The following SFT2D2 variants were observed in gnomAD, a reference collection of about 807,000 sequenced individuals.
SFT2D2 encodes vesicle transport protein SFT2B.
SFT2D2 carries 21 observed loss-of-function variants against 27.4 expected under a neutral mutation model. That is an observed-to-expected ratio of 0.77 (90% CI 0.54 to 1.10). SFT2D2 has a LOEUF of 1.10. Ranked by LOEUF, SFT2D2 falls within the 50% of genes least tolerant of loss-of-function variation. The probability of loss-of-function intolerance (pLI) is 0.00; values close to 1 mark genes in which losing one functional copy is unlikely to be tolerated. For missense variants in SFT2D2, 187 were observed against 194.2 expected, an observed-to-expected ratio of 0.96 and a Z score of 0.22; for synonymous variants, 72 against 71.7, an observed-to-expected ratio of 1.00 and a Z score of -0.02.
Position 168,249,794 on chromosome 1 carries a change from G to A in SFT2D2, c.*7254G>A, listed in dbSNP as rs142091569. The A allele has an allele frequency of 6.6e-6, 1 of 152,400 alleles. No individual in the cohort carries two copies. The highest frequency in any genetic ancestry group is 1.9e-4 in the East Asian group (1 of 5,186). The allele number at this position is 152,400 out of a possible 1,614,324, so 9.4% of individuals were successfully genotyped here. ...GGTCATTGCAAGATGTCAGTGAGAC[G>A]TGTCAAGTGCTTAGAATAGGGCTTG... On this transcript the variant is annotated 3_prime_UTR_variant, in exon 8 of 8. Coordinates refer to ENST00000271375, the MANE Select transcript of SFT2D2 (RefSeq NM_199344.3).
Position 168,246,366 on chromosome 1 carries a change from T to C in SFT2D2, c.*3826T>C. 3 of 546,898 alleles carry C rather than the reference T, an allele frequency of 5.5e-6. No homozygotes were observed. Among genetic ancestry groups the C allele is most frequent in the Non-Finnish European group, 9.2e-6 (3 of 326,056 alleles). The allele number at this position is 546,898 out of a possible 1,614,324, so 33.9% of individuals were successfully genotyped here. ...TCGTAGTTGACATAATCTTACTTGC[T>C]TTTCTGTGCATTTTTCTACTTTATC... On this transcript the variant is annotated 3_prime_UTR_variant, in exon 8 of 8. Coordinates refer to ENST00000271375, the MANE Select transcript of SFT2D2 (RefSeq NM_199344.3).
In SFT2D2 at chr1:168,250,965, A is replaced by AG. The variant is rs1410619894; in HGVS notation, c.*8427dup. 11 of 152,360 alleles carry AG rather than the reference A, an allele frequency of 7.2e-5. No individual in the cohort carries two copies. Among genetic ancestry groups the AG allele is most frequent in the Non-Finnish European group, 1.6e-4 (11 of 68,086 alleles). The allele number at this position is 152,360 out of a possible 1,614,324, so 9.4% of individuals were successfully genotyped here. A position where few individuals can be genotyped will look rare whatever the true frequency, so the allele number is the denominator to read the frequency against. On this transcript the variant is annotated 3_prime_UTR_variant, in exon 8 of 8. Coordinates refer to ENST00000271375, the MANE Select transcript of SFT2D2 (RefSeq NM_199344.3). Reference sequence around the variant, plus strand: ...ACTTCCCTTCCACCCTAATCACTGCAGGCTCAGGGAGCAAGAAATAAAATC... The same window carrying AG: ...ACTTCCCTTCCACCCTAATCACTGCAGGGCTCAGGGAGCAAGAAATAAAATC...
chr1:168,236,003 T>C (rs1188732741), intron 4 of SFT2D2, among the ~76,000 whole-genome samples: 2 of 152,178 alleles, frequency 1.3e-5, no homozygotes, highest in Admixed American at 6.6e-5. Context: ...TGAGTAGTTA[T>C]TGTTATAGAA....
chr1:168,237,236 G>T (rs1167774075), intron 6 of SFT2D2, among the ~76,000 whole-genome samples: 2 of 152,354 alleles, frequency 1.3e-5, no homozygotes, highest in East Asian at 1.9e-4. Flanking sequence ...TGAACTGTCA[G>T]CAGGAGATGA....
intron 7 of SFT2D2, among the ~76,000 whole-genome samples, chr1:168,239,911 C>T (rs1404769533): frequency 1.3e-5 from 2 of 151,366 alleles, no homozygotes; most frequent in East Asian, 1.9e-4. Flanking sequence ...TGCAGTGGCT[C>T]ACGCCTGTAA....
chr1:168,226,076 C>A lies in SFT2D2; in HGVS notation c.-4C>A, dbSNP rs1041858773. The A allele has an allele frequency of 3.9e-6, 6 of 1,531,266 alleles. No individual in the cohort carries two copies. The highest frequency in any genetic ancestry group is 2.5e-5 in the South Asian group (2 of 81,324). 94.9% of individuals were successfully genotyped at this position (1,531,266 alleles called of 1,614,324 possible). ...GAGCTGGAGCTGGTGGGGACTGGGC[C>A]GCAATGGACAAGCTGAAGAAGGTGC... On this transcript the variant is annotated 5_prime_UTR_variant, in exon 1 of 8. Coordinates refer to ENST00000271375, the MANE Select transcript of SFT2D2 (RefSeq NM_199344.3).
At chr1:168,234,625 A>C (rs185095460) in intron 3 of SFT2D2, among the ~76,000 whole-genome samples, 39 of 152,292 alleles carry the variant, frequency 2.6e-4, no homozygotes, top group African/African-American at 8.9e-4. Flanking sequence ...CATCATTAGA[A>C]TTATTCCCTG....
chr1:168,234,490 A>AT lies in SFT2D2; in HGVS notation c.237-607dup, dbSNP rs141449944. Among the ~76,000 whole-genome samples the AT allele has an allele frequency of 9.1e-3, 1,377 of 152,110 alleles. 17 individuals are homozygous for AT. The highest frequency in any genetic ancestry group is 0.031 in the African/African-American group (1,302 of 41,490). On this transcript the variant is annotated intron_variant, in intron 3 of 7. Transcript: ENST00000271375. Reference sequence around the variant, plus strand: ...TATAGAGTCAAATGGTAGCTGTGTGATTTTCTCGTCTCTAAAATAAGTGTA... The same window carrying AT: ...TATAGAGTCAAATGGTAGCTGTGTGATTTTTCTCGTCTCTAAAATAAGTGTA...
At chr1:168,234,424 C>T (rs1241964848) in intron 3 of SFT2D2, among the ~76,000 whole-genome samples, 1 of 151,306 alleles carries the variant, frequency 6.6e-6, no homozygotes, top group Non-Finnish European at 1.5e-5. Context: ...AAAAACCCAG[C>T]ATGCTGGGTC....
rs368726409 is a variant in SFT2D2 at position 168,247,717 on chromosome 1, A to G, written c.*5177A>G. 3 of 152,318 alleles carry G rather than the reference A, an allele frequency of 2.0e-5. No individual in the cohort carries two copies. In the East Asian group the frequency reaches 5.8e-4, roughly 29 times the overall value. The allele number at this position is 152,318 out of a possible 1,614,324, so 9.4% of individuals were successfully genotyped here. ...TAATGAGATTGCTGGGTTAAATGGT[A>G]TTTCTAGTTCTAGATCCTTGAGGAA... On this transcript the variant is annotated 3_prime_UTR_variant, in exon 8 of 8. Coordinates refer to ENST00000271375, the MANE Select transcript of SFT2D2 (RefSeq NM_199344.3).
rs1425352269 is a variant in SFT2D2 at position 168,236,680 on chromosome 1, A to T, written c.355-32A>T. 2.5e-6 allele frequency: 4 copies of T among 1,613,486 alleles called. No homozygotes were observed. The African/African-American group carries it at 5.4e-5, about 22-fold the overall frequency. On this transcript the variant is annotated intron_variant, in intron 5 of 7. Coordinates refer to ENST00000271375, the MANE Select transcript of SFT2D2 (RefSeq NM_199344.3). ...TTTTGGCTTTTGCCCCTTGTCTCAC[A>T]CTCTCCTATAACCATATTATTATTT...
intron 7 of SFT2D2, 138 bp downstream of exon 7, chr1:168,239,298 ATAAG>A (rs749420508): frequency 1.6e-6 from 1 of 644,432 alleles, no homozygotes; most frequent in East Asian, 2.7e-5. Flanking sequence ...TCATTTATAG[ATAAG>A]TAAGTTAAAG....
chr1:168,251,099 T>A lies in SFT2D2; in HGVS notation c.*8559T>A, dbSNP rs1320949121. 1 of 151,168 alleles carries A rather than the reference T, an allele frequency of 6.6e-6. No homozygotes were observed. Among genetic ancestry groups the A allele is most frequent in the Admixed American group, 6.6e-5 (1 of 15,140 alleles). 9.4% of individuals were successfully genotyped at this position (151,168 alleles called of 1,614,324 possible). On this transcript the variant is annotated 3_prime_UTR_variant, in exon 8 of 8. Coordinates refer to ENST00000271375, the MANE Select transcript of SFT2D2 (RefSeq NM_199344.3). ...TGGGTGGATCGCTTGAGGTCAGGAGTTCAAGACCAGCCTGGCCAACATGGC... is the reference window on the plus strand; with the variant it reads ...TGGGTGGATCGCTTGAGGTCAGGAGATCAAGACCAGCCTGGCCAACATGGC...
At chr1:168,242,391 T>C in intron 7 of SFT2D2, 110 bp from the exon 8 acceptor site, 1 of 1,137,000 alleles carries the variant, frequency 8.8e-7, no homozygotes, top group Non-Finnish European at 1.3e-6. Context: ...GAAGGTCTGA[T>C]CTTTCAGTCT....
rs760393267 is a variant in SFT2D2, at chr1:168,246,343, G to A, written c.*3803G>A. 8.6e-6 allele frequency: 4 copies of A among 467,592 alleles called. No individual in the cohort carries two copies. The highest frequency in any genetic ancestry group is 4.2e-5 in the South Asian group (2 of 48,000). 29.0% of individuals were successfully genotyped at this position (467,592 alleles called of 1,614,324 possible). A position where few individuals can be genotyped will look rare whatever the true frequency, so the allele number is the denominator to read the frequency against. On this transcript the variant is annotated 3_prime_UTR_variant, in exon 8 of 8. Transcript: ENST00000271375. Reference sequence around the variant, plus strand: ...TGTTGAAGCAACATATTTTGTCTTCGTAGTTGACATAATCTTACTTGCTTT... The same window carrying A: ...TGTTGAAGCAACATATTTTGTCTTCATAGTTGACATAATCTTACTTGCTTT...
At chr1:168,228,236 T>G (rs975308743) in intron 1 of SFT2D2, among the ~76,000 whole-genome samples, 5 of 152,196 alleles carry the variant, frequency 3.3e-5, no homozygotes, top group African/African-American at 9.7e-5. Flanking sequence ...CTTTAAAATA[T>G]TGGTACTGAT....
At chr1:168,230,222 T>C (rs901889709) in intron 1 of SFT2D2, among the ~76,000 whole-genome samples, 1 of 152,168 alleles carries the variant, frequency 6.6e-6, no homozygotes, top group African/African-American at 2.4e-5. Context: ...GAGTTGCCAG[T>C]CTAATGACTC....
chr1:168,248,400 T>C lies in SFT2D2; in HGVS notation c.*5860T>C, dbSNP rs868843623. On this transcript the variant is annotated 3_prime_UTR_variant, in exon 8 of 8. Coordinates refer to ENST00000271375, the MANE Select transcript of SFT2D2 (RefSeq NM_199344.3). ...CCAGAACTTCCAGTACTATGTTGAG[T>C]AGGAATGGTGAGAGAGGGCATCCTT... The C allele has an allele frequency of 1.3e-5, 2 of 152,402 alleles. No homozygotes were observed. Among genetic ancestry groups the C allele is most frequent in the Non-Finnish European group, 1.5e-5 (1 of 68,118 alleles). The allele number at this position is 152,402 out of a possible 1,614,324, so 9.4% of individuals were successfully genotyped here.
chr1:168,252,850 CTT>C lies in SFT2D2; in HGVS notation c.*10311_*10312del, dbSNP rs1271097121. The C allele has an allele frequency of 3.9e-5, 6 of 152,188 alleles. No homozygotes were observed. The highest frequency in any genetic ancestry group is 1.4e-4 in the African/African-American group (6 of 41,450). The allele number at this position is 152,188 out of a possible 1,614,324, so 9.4% of individuals were successfully genotyped here. A position where few individuals can be genotyped will look rare whatever the true frequency, so the allele number is the denominator to read the frequency against. ...GAATTTTTGTATCCAAAAATACATT[CTT>C]GAGTACTACTTTTCCTACCTTGAAA... On this transcript the variant is annotated 3_prime_UTR_variant, in exon 8 of 8. Transcript: ENST00000271375.
Sources: gnomAD v4.1 joint callset for allele counts (sites outside exome capture counted in the v4.1 genomes callset) on GRCh38, gnomAD v4.1.1 for gene constraint, MANE v1.5 for transcripts, NCBI Gene and HGNC (gene_info 2026-07-23, HGNC 2026-07-21) for gene names.